SYN3: variants seen among roughly 807,000 people sequenced by gnomAD.
SYN3 encodes synapsin III.
Under a neutral mutation model 65.8 loss-of-function variants are expected in SYN3, and 35 were observed. That is an observed-to-expected ratio of 0.53 (90% CI 0.41 to 0.70). The LOEUF is 0.70. SYN3 is among the 30% of genes least tolerant of loss of function. The probability of loss-of-function intolerance (pLI) is 0.00; values close to 1 mark genes in which losing one functional copy is unlikely to be tolerated. For synonymous variants in SYN3, 270 were observed against 292.9 expected (o/e 0.92, Z 0.80); for missense variants, 680 against 749.0 (o/e 0.91, Z 1.08).
intron 1 of SYN3, among the ~76,000 whole-genome samples, chr22:33,047,271 C>T (rs1157065796): frequency 6.6e-6 from 1 of 152,082 alleles, no homozygotes; most frequent in Non-Finnish European, 1.5e-5. Flanking sequence ...CAATACATCC[C>T]CAGCACTTAG....
intron 3 of SYN3, among the ~76,000 whole-genome samples, chr22:32,937,883 G>A (rs2050818469): frequency 6.6e-6 from 1 of 152,118 alleles, no homozygotes; most frequent in Non-Finnish European, 1.5e-5. Flanking sequence ...ACCTCAGTGA[G>A]TTATGGGATA....
intron 6 of SYN3, among the ~76,000 whole-genome samples, chr22:32,627,165 T>C (rs1390341366): frequency 7.2e-6 from 1 of 139,858 alleles, no homozygotes; most frequent in Non-Finnish European, 1.5e-5. Flanking sequence ...GGCGGGTAAC[T>C]TCCTGCAACA....
intron 6 of SYN3, among the ~76,000 whole-genome samples, chr22:32,624,772 C>T (rs770254252): frequency 5.9e-5 from 9 of 152,358 alleles, no homozygotes; most frequent in East Asian, 1.9e-4. Flanking sequence ...TCTCCTGCCA[C>T]GGTGGGACCC....
At chr22:33,014,811 G>C (rs956459077) in intron 1 of SYN3, among the ~76,000 whole-genome samples, 1 of 152,184 alleles carries the variant, frequency 6.6e-6, no homozygotes, top group Non-Finnish European at 1.5e-5. Flanking sequence ...CGAAGGACAA[G>C]AGTCGTAGAA....
In SYN3 at chr22:33,055,474, C is replaced by A. The variant is rs189468602; in HGVS notation, c.-163+2818G>T. On this transcript the variant is annotated intron_variant, in intron 1 of 13. Coordinates refer to ENST00000358763, the MANE Select transcript of SYN3 (RefSeq NM_003490.4). ...GTGTAAATATCACTACTTTGGGAGACCTTCCCTGACTACACTGTTAAGCAC... is the reference window on the plus strand; with the variant it reads ...GTGTAAATATCACTACTTTGGGAGAACTTCCCTGACTACACTGTTAAGCAC... 1.8e-3 allele frequency among the ~76,000 whole-genome samples: 271 copies of A among 152,310 alleles called. 2 individuals carry two copies. The highest frequency in any genetic ancestry group is 9.6e-4 in the Non-Finnish European group (65 of 68,028).
At chr22:32,715,950 G>A (rs1288386293) in intron 6 of SYN3, among the ~76,000 whole-genome samples, 3 of 152,194 alleles carry the variant, frequency 2.0e-5, no homozygotes, top group Admixed American at 6.5e-5. Context: ...TGCAGAGAAT[G>A]AGCCCAGAAA....
At chr22:32,766,686 T>C (rs130526) in intron 6 of SYN3, among the ~76,000 whole-genome samples, 142,562 of 152,228 alleles carry the variant, frequency 0.94, 66,861 homozygotes, top group African/African-American at 0.97. Context: ...GAGAACCAAA[T>C]ATCTTGATGT....
chr22:32,932,889 G>A (rs544413974), intron 3 of SYN3, among the ~76,000 whole-genome samples: 123 of 152,276 alleles, frequency 8.1e-4, no homozygotes, highest in Non-Finnish European at 1.6e-3. Flanking sequence ...TATAAGGGAA[G>A]GATGTGTTCC....
intron 6 of SYN3, among the ~76,000 whole-genome samples, chr22:32,835,891 T>C (rs2047715965): frequency 6.6e-6 from 1 of 152,232 alleles, no homozygotes; most frequent in African/African-American, 2.4e-5. Context: ...ACAAGAGTTA[T>C]GGAGAGTTAA....
At chr22:32,876,033 C>G (rs937369554) in intron 4 of SYN3, among the ~76,000 whole-genome samples, 1 of 152,168 alleles carries the variant, frequency 6.6e-6, no homozygotes, top group Admixed American at 6.5e-5. Context: ...AAAACAACAA[C>G]CCTGACTTAG....
At chr22:32,589,305 A>T (rs1346531593) in intron 7 of SYN3, among the ~76,000 whole-genome samples, 1 of 152,236 alleles carries the variant, frequency 6.6e-6, no homozygotes, top group Non-Finnish European at 1.5e-5. Context: ...TGCTCATAAC[A>T]TTGGTTAATA....
chr22:32,832,324 G>T (rs2047597268), intron 6 of SYN3, among the ~76,000 whole-genome samples: 1 of 152,178 alleles, frequency 6.6e-6, no homozygotes, highest in African/African-American at 2.4e-5. Flanking sequence ...GAAATATAAA[G>T]TGATGGGACT....
chr22:33,042,142 A>C (rs1466834072), intron 1 of SYN3, among the ~76,000 whole-genome samples: 1 of 152,130 alleles, frequency 6.6e-6, no homozygotes, highest in Non-Finnish European at 1.5e-5. Flanking sequence ...CAAACCAGGA[A>C]AAAGGGCCCT....
intron 7 of SYN3, among the ~76,000 whole-genome samples, chr22:32,542,638 G>T (rs1248352678): frequency 6.7e-6 from 1 of 148,724 alleles, no homozygotes; most frequent in African/African-American, 2.5e-5. Flanking sequence ...GTATGTGTGT[G>T]TGTGTGTGTG....
intron 6 of SYN3, chr22:32,862,919 C>T (rs554108736): frequency 3.3e-5 from 5 of 152,740 alleles, no homozygotes; most frequent in African/African-American, 1.2e-4. Flanking sequence ...TTACAGTTTT[C>T]CTCCATGTTA....
intron 6 of SYN3, among the ~76,000 whole-genome samples, chr22:32,832,913 C>T (rs1464637112): frequency 4.6e-5 from 7 of 151,718 alleles, no homozygotes; most frequent in African/African-American, 1.7e-4. Flanking sequence ...TCGTGGTTTT[C>T]GTAGAGACAG....
At chr22:32,631,841 C>T (rs1425445790) in intron 6 of SYN3, among the ~76,000 whole-genome samples, 1 of 152,136 alleles carries the variant, frequency 6.6e-6, no homozygotes, top group African/African-American at 2.4e-5. Flanking sequence ...ATTATTTGAA[C>T]CCAGCATGAT....
In SYN3 at chr22:32,512,402, T is replaced by C. The variant is rs1273578606; in HGVS notation, c.*1290A>G. ...AGGAGGCTGCTTCTGGCACCTACAA[T>C]GTTTCCAGCACCAGGTGCTTGGTGA... On this transcript the variant is annotated 3_prime_UTR_variant, in exon 14 of 14. Coordinates refer to ENST00000358763, the MANE Select transcript of SYN3 (RefSeq NM_003490.4). 6.6e-6 allele frequency: 1 copy of C among 152,234 alleles called. No homozygotes were observed. The highest frequency in any genetic ancestry group is 2.4e-5 in the African/African-American group (1 of 41,456). 9.4% of individuals were successfully genotyped at this position (152,234 alleles called of 1,614,324 possible). A position where few individuals can be genotyped will look rare whatever the true frequency, so the allele number is the denominator to read the frequency against.
At chr22:32,786,031 C>T (rs2046186296) in intron 6 of SYN3, among the ~76,000 whole-genome samples, 1 of 152,118 alleles carries the variant, frequency 6.6e-6, no homozygotes, top group South Asian at 2.1e-4. Flanking sequence ...AAAAAAAATA[C>T]AGCATTCTAG....
Sources: gnomAD v4.1 joint callset for allele counts (sites outside exome capture counted in the v4.1 genomes callset) on GRCh38, gnomAD v4.1.1 for gene constraint, MANE v1.5 for transcripts, NCBI Gene and HGNC (gene_info 2026-07-23, HGNC 2026-07-21) for gene names.